Variants in RP1 observed in about 807,000 individuals in gnomAD.
The protein encoded by RP1 is oxygen-regulated protein 1.
A neutral mutation model predicts 14.8 loss-of-function variants in RP1; 16 were observed. The ratio of observed to expected loss-of-function variants is 1.08; its 90% CI spans 0.73 to 1.65. The LOEUF is 1.65. Ranked by LOEUF, RP1 falls within the 40% of genes most tolerant of loss-of-function variation. RP1 has a pLI of 0.00. For missense variants in RP1, 2,631 were observed against 2,535.0 expected (o/e 1.04, Z -0.81); for synonymous variants, 876 against 883.6 (o/e 0.99, Z 0.15).
intron 3 of RP1, among the ~76,000 whole-genome samples, chr8:54,639,694 A>G (rs79833570): frequency 0.027 from 4,133 of 152,212 alleles, 171 homozygotes; most frequent in African/African-American, 0.094. Context: ...CTGTTCATAT[A>G]TCTTTTGTGG....
intron 1 of RP1, among the ~76,000 whole-genome samples, chr8:54,576,302 C>T (rs1051180242): frequency 1.3e-5 from 2 of 152,226 alleles, no homozygotes; most frequent in Non-Finnish European, 2.9e-5. Flanking sequence ...GCCTCGGCCT[C>T]CCAAAGTGCT....
intron 1 of RP1, among the ~76,000 whole-genome samples, chr8:54,566,267 T>C (rs1052987258): frequency 6.6e-6 from 1 of 152,084 alleles, no homozygotes; most frequent in African/African-American, 2.4e-5. Flanking sequence ...CTTCAACTTC[T>C]CTCCACCCCA....
chr8:54,835,187 A>G (rs1003740409), intron 24 of RP1, among the ~76,000 whole-genome samples: 5 of 152,160 alleles, frequency 3.3e-5, no homozygotes, highest in Non-Finnish European at 7.3e-5. Context: ...TTCTAGGCAT[A>G]TTACATTTTT....
chr8:54,792,992 G>A (rs1164479878), intron 24 of RP1, among the ~76,000 whole-genome samples: 1 of 151,686 alleles, frequency 6.6e-6, no homozygotes, highest in African/African-American at 2.4e-5. Context: ...AATTATCAAT[G>A]AAAAAGAAGA....
chr8:54,846,307 A>G (rs558929839), intron 25 of RP1, among the ~76,000 whole-genome samples: 1 of 152,330 alleles, frequency 6.6e-6, no homozygotes, highest in South Asian at 2.1e-4. Flanking sequence ...CTATATCTGC[A>G]TTGTTTTCAC....
chr8:54,752,113 G>A (rs974854045), intron 19 of RP1, among the ~76,000 whole-genome samples: 1 of 152,150 alleles, frequency 6.6e-6, no homozygotes, highest in Non-Finnish European at 1.5e-5. Context: ...GTGACTTCAA[G>A]CAATACTTGG....
At chr8:54,593,439 T>C (rs1805081795) in intron 1 of RP1, among the ~76,000 whole-genome samples, 1 of 152,224 alleles carries the variant, frequency 6.6e-6, no homozygotes, top group African/African-American at 2.4e-5. Flanking sequence ...TCCTTTTCTT[T>C]CTCAAAGTAT....
At chr8:54,593,765 T>G (rs73603031) in intron 1 of RP1, among the ~76,000 whole-genome samples, 2,298 of 152,316 alleles carry the variant, frequency 0.015, 46 homozygotes, top group African/African-American at 0.045. Context: ...GCCTCACCAG[T>G]GGAACTCATA....
Position 54,625,887 on chromosome 8 carries a change from G to A in RP1, c.2005G>A (p.Ala669Thr), listed in dbSNP as rs201725231. Residue 669 changes from alanine to threonine, a missense_variant, in exon 4 of 4, where the codon GCC becomes ACC. Ala to Thr is a moderately conservative substitution (Grantham distance 58). Transcript: ENST00000220676. ...KNEKKILSSVASKKKKKSRQQ... is the reference protein window; with the variant it reads ...KNEKKILSSVTSKKKKKSRQQ... Reference sequence around the variant, plus strand: ...TGAAAAGAAGATTTTGTCATCTGTTGCCAGCAAAAAGAAGAAAAAATCTCG... The same window carrying A: ...TGAAAAGAAGATTTTGTCATCTGTTACCAGCAAAAAGAAGAAAAAATCTCG... 2.3e-4 allele frequency: 364 copies of A among 1,613,670 alleles called. No individual in the cohort carries two copies. The highest frequency in any genetic ancestry group is 6.6e-4 in the Middle Eastern group (4 of 6,080).
At chr8:54,687,239 C>T (rs1004335852) in intron 12 of RP1, among the ~76,000 whole-genome samples, 9 of 152,116 alleles carry the variant, frequency 5.9e-5, no homozygotes, top group Admixed American at 1.3e-4. Flanking sequence ...AGTTAAGCTG[C>T]GGATGCCTGC....
In RP1 at chr8:54,827,345, T is replaced by C. The variant is rs919759421; in HGVS notation, c.3616-10105T>C. ...TTTATAGTGTATTTTTTTTTTTTTT[T>C]AGACAAGATTTCACTCTGTTGCCCA... On this transcript the variant is annotated intron_variant, in intron 24 of 28. Coordinates refer to the RP1 transcript ENST00000637698. 4.8e-5 allele frequency among the ~76,000 whole-genome samples: 7 copies of C among 145,192 alleles called. No homozygotes were observed. The South Asian group carries it at 6.6e-4, about 14-fold the overall frequency.
chr8:54,635,644 C>A (rs1448535376), downstream of RP1, among the ~76,000 whole-genome samples: 3 of 152,084 alleles, frequency 2.0e-5, no homozygotes, highest in Non-Finnish European at 2.9e-5. Flanking sequence ...TACTTTGTCA[C>A]CTTTGGCTTA....
chr8:54,607,693 C>A (rs1053041712), intron 1 of RP1, among the ~76,000 whole-genome samples: 2 of 152,170 alleles, frequency 1.3e-5, no homozygotes, highest in African/African-American at 4.8e-5. Context: ...GGGCTTCACC[C>A]AGTTTGAGGT....
intron 12 of RP1, among the ~76,000 whole-genome samples, chr8:54,694,378 A>C (rs1407623501): frequency 1.3e-5 from 2 of 152,184 alleles, no homozygotes; most frequent in African/African-American, 4.8e-5. Flanking sequence ...TGATTGGAAT[A>C]GTTTCAGAAG....
intron 22 of RP1, among the ~76,000 whole-genome samples, chr8:54,766,613 A>G (rs1373922284): frequency 6.6e-6 from 1 of 152,222 alleles, no homozygotes; most frequent in Non-Finnish European, 1.5e-5. Context: ...AAAGTGTGCC[A>G]AATATAAAAT....
intron 1 of RP1, among the ~76,000 whole-genome samples, chr8:54,601,315 C>T (rs1428655372): frequency 1.3e-5 from 2 of 150,912 alleles, no homozygotes; most frequent in East Asian, 1.9e-4. Context: ...AAGCGATATT[C>T]ACAAGAACAA....
At chr8:54,719,365 C>A (rs1210311924) in intron 15 of RP1, among the ~76,000 whole-genome samples, 3 of 152,168 alleles carry the variant, frequency 2.0e-5, no homozygotes, top group Non-Finnish European at 4.4e-5. Context: ...GAGAGAGAGA[C>A]TCCCTTGGTT....
intron 17 of RP1, among the ~76,000 whole-genome samples, chr8:54,729,977 A>AT (rs986034682): frequency 6.6e-6 from 1 of 151,552 alleles, no homozygotes; most frequent in Non-Finnish European, 1.5e-5. Context: ...CTATAGTTTT[A>AT]TTTTTTTTAA....
At chr8:54,824,002 T>C (rs1364805978) in intron 24 of RP1, among the ~76,000 whole-genome samples, 2 of 152,204 alleles carry the variant, frequency 1.3e-5, no homozygotes, top group East Asian at 3.8e-4. Context: ...TGCAGTGATA[T>C]CTCATTGTGG....
Sources: allele counts gnomAD v4.1 joint callset (sites outside exome capture counted in the v4.1 genomes callset), GRCh38; gene constraint gnomAD v4.1.1; transcripts MANE v1.5; gene names NCBI Gene and HGNC (gene_info 2026-07-23, HGNC 2026-07-21).